The following EIF3F variants were observed in gnomAD, a reference collection of about 807,000 sequenced individuals.
EIF3F encodes the protein deubiquitinating enzyme eIF3f.
In EIF3F, 8 loss-of-function variants were observed where a neutral mutation model predicts 36.0. The observed-to-expected ratio is 0.22, with a 90% CI of 0.13 to 0.40. The LOEUF (loss-of-function observed/expected upper bound fraction) is 0.40. Ranked by LOEUF, EIF3F falls within the 10% of genes least tolerant of loss-of-function variation. The pLI is 1.00. For missense variants in EIF3F, 430 were observed against 467.6 expected, an observed-to-expected ratio of 0.92 and a Z score of 0.74; for synonymous variants, 184 against 188.5, an observed-to-expected ratio of 0.98 and a Z score of 0.19.
Position 7,987,568 on chromosome 11 carries a change from C to T in EIF3F, c.216C>T (p.Thr72=). The T allele has an allele frequency of 1.3e-6, 2 of 1,598,206 alleles. No homozygotes were observed. The highest frequency in any genetic ancestry group is 8.5e-7 in the Non-Finnish European group (1 of 1,173,748). The change falls in exon 1 of 8, where the codon ACC becomes ACT. Residue 72 remains threonine (T), a synonymous_variant. Transcript: ENST00000651655. ...CCTCAGCGCAAGCTCCAGCGCAGAC[C>T]CCAGCGCCCGCTCTGCCTGGTCCTG... is the stretch of plus-strand genomic sequence containing the variant. ...TPASAQAPAQ[T]PAPALPGPAL...
At chr11:7,992,603 C>T (rs541776798) in intron 3 of EIF3F, 5 of 483,470 alleles carry the variant, frequency 1.0e-5, no homozygotes, top group African/African-American at 7.9e-5. Context: ...AGTGTGTTAC[C>T]TGTAGGAACT....
In EIF3F at chr11:7,987,400, C is replaced by G; in HGVS notation, c.48C>G (p.Thr16=). Residue 16 remains threonine (T), a synonymous_variant, in exon 1 of 8, where the codon ACC becomes ACG. Transcript: ENST00000651655. The part of the protein sequence containing the change: ...VPVSAPPATP[T]PVPAAAPASV... ...TAAGTGCTCCTCCGGCCACGCCAAC[C>G]CCAGTCCCGGCGGCGGCCCCAGCCT... The G allele has an allele frequency of 2.5e-6, 4 of 1,600,628 alleles. No homozygotes were observed. The highest frequency in any genetic ancestry group is 3.4e-6 in the Non-Finnish European group (4 of 1,179,494).
At position 8,000,228 on chromosome 11, in the gene EIF3F, C is replaced by T. The variant is rs992275583; in HGVS notation, c.*4206C>T. Reference sequence around the variant, plus strand: ...CATCTCAAAAAAAAAAAAGGTACATCTACACAATGGAATATTATTAACCTT... The same window carrying T: ...CATCTCAAAAAAAAAAAAGGTACATTTACACAATGGAATATTATTAACCTT... On this transcript the variant is annotated 3_prime_UTR_variant, in exon 8 of 8. Coordinates refer to ENST00000651655, the MANE Select transcript of EIF3F (RefSeq NM_003754.3). The T allele has an allele frequency of 2.0e-5, 3 of 151,540 alleles. No individual in the cohort carries two copies. Among genetic ancestry groups the T allele is most frequent in the African/African-American group, 7.3e-5 (3 of 41,242 alleles). The allele number at this position is 151,540 out of a possible 1,614,324, so 9.4% of individuals were successfully genotyped here.
chr11:7,990,713 T>C (rs1211194820), intron 1 of EIF3F, among the ~76,000 whole-genome samples: 1 of 152,062 alleles, frequency 6.6e-6, no homozygotes, highest in Non-Finnish European at 1.5e-5. Flanking sequence ...CCATAGTGAG[T>C]TGGAATTAGA....
chr11:7,996,414 T>C lies in EIF3F; in HGVS notation c.*392T>C, dbSNP rs1262268790. The C allele has an allele frequency of 5.7e-6, 1 of 174,736 alleles. No individual in the cohort carries two copies. The highest frequency in any genetic ancestry group is 1.2e-5 in the Non-Finnish European group (1 of 81,854). 10.8% of individuals were successfully genotyped at this position (174,736 alleles called of 1,614,324 possible). Reference sequence around the variant, plus strand: ...TAAGAATCCATGGAGAAAAAATAGCTAAGAAAATTGGATGCTTAATCTGAA... The same window carrying C: ...TAAGAATCCATGGAGAAAAAATAGCCAAGAAAATTGGATGCTTAATCTGAA... On this transcript the variant is annotated 3_prime_UTR_variant, in exon 8 of 8. Coordinates refer to ENST00000651655, the MANE Select transcript of EIF3F (RefSeq NM_003754.3).
Position 7,998,068 on chromosome 11 carries a change from A to C in EIF3F, c.*2046A>C, listed in dbSNP as rs540927120. The C allele has an allele frequency of 6.6e-6, 1 of 151,714 alleles. No homozygotes were observed. The highest frequency in any genetic ancestry group is 1.5e-5 in the Non-Finnish European group (1 of 67,888). The allele number at this position is 151,714 out of a possible 1,614,324, so 9.4% of individuals were successfully genotyped here. A position where few individuals can be genotyped will look rare whatever the true frequency, so the allele number is the denominator to read the frequency against. The stretch of plus-strand genomic sequence containing the variant: ...AGGTTCTGGAACCAATCCTCCACGG[A>C]TACTAAACGGTGACTGTGTGTGTAT... On this transcript the variant is annotated 3_prime_UTR_variant, in exon 8 of 8. Transcript: ENST00000651655.
intron 5 of EIF3F, 50 bp downstream of exon 5, chr11:7,994,567 A>G: frequency 3.2e-6 from 5 of 1,552,392 alleles, no homozygotes; most frequent in Non-Finnish European, 4.4e-6. Flanking sequence ...ATTTTCAGGG[A>G]AGGGGGCTGC....
In EIF3F at chr11:8,000,596, C is replaced by T. The variant is rs1942210022; in HGVS notation, c.*4574C>T. 1 of 152,098 alleles carries T rather than the reference C, an allele frequency of 6.6e-6. No individual in the cohort carries two copies. Among genetic ancestry groups the T allele is most frequent in the African/African-American group, 2.4e-5 (1 of 41,406 alleles). The allele number at this position is 152,098 out of a possible 1,614,324, so 9.4% of individuals were successfully genotyped here. A position where few individuals can be genotyped will look rare whatever the true frequency, so the allele number is the denominator to read the frequency against. On this transcript the variant is annotated 3_prime_UTR_variant, in exon 8 of 8. Transcript: ENST00000651655. ...AGCTTGATTGTGGTAATCAATTTCG[C>T]AATGTGTACATATATCAAAACATCA...
intron 4 of EIF3F, 128 bp from the exon 5 acceptor site, chr11:7,994,298 A>G (rs1339063599): frequency 5.2e-6 from 4 of 769,306 alleles, no homozygotes; most frequent in African/African-American, 3.5e-5. Context: ...TCTGGGGTTC[A>G]TTTGGTCCCA....
chr11:8,001,721 T>G lies in EIF3F; in HGVS notation c.*5699T>G, dbSNP rs1942224490. The G allele has an allele frequency of 6.6e-6, 1 of 152,182 alleles. No homozygotes were observed. Among genetic ancestry groups the G allele is most frequent in the Non-Finnish European group, 1.5e-5 (1 of 68,034 alleles). The allele number at this position is 152,182 out of a possible 1,614,324, so 9.4% of individuals were successfully genotyped here. ...CAAGAAACTACTATCACTGATTGTC[T>G]TAAGGTACTAGATGGGGCACAGGAC... On this transcript the variant is annotated 3_prime_UTR_variant, in exon 8 of 8. Coordinates refer to ENST00000651655, the MANE Select transcript of EIF3F (RefSeq NM_003754.3).
In EIF3F at chr11:8,000,604, A is replaced by G. The variant is rs1942210116; in HGVS notation, c.*4582A>G. The G allele has an allele frequency of 6.6e-6, 1 of 152,222 alleles. No homozygotes were observed. The highest frequency in any genetic ancestry group is 6.5e-5 in the Admixed American group (1 of 15,282). The allele number at this position is 152,222 out of a possible 1,614,324, so 9.4% of individuals were successfully genotyped here. A position where few individuals can be genotyped will look rare whatever the true frequency, so the allele number is the denominator to read the frequency against. On this transcript the variant is annotated 3_prime_UTR_variant, in exon 8 of 8. Coordinates refer to ENST00000651655, the MANE Select transcript of EIF3F (RefSeq NM_003754.3). ...TGTGGTAATCAATTTCGCAATGTGT[A>G]CATATATCAAAACATCACATTGTAC...
At position 7,997,478 on chromosome 11, in the gene EIF3F, G is replaced by C. The variant is rs546644816; in HGVS notation, c.*1456G>C. 4.6e-5 allele frequency: 7 copies of C among 152,048 alleles called. No individual in the cohort carries two copies. The highest frequency in any genetic ancestry group is 1.7e-4 in the African/African-American group (7 of 41,404). The allele number at this position is 152,048 out of a possible 1,614,324, so 9.4% of individuals were successfully genotyped here. On this transcript the variant is annotated 3_prime_UTR_variant, in exon 8 of 8. Coordinates refer to ENST00000651655, the MANE Select transcript of EIF3F (RefSeq NM_003754.3). ...TTTGAGAAATAAGCATAGAAAAGGT[G>C]GATAAAACAAAAGATGGCAAAACAA...
chr11:7,996,296 C>G lies in EIF3F; in HGVS notation c.*274C>G, dbSNP rs1350419030. ...TGTGTTTGGCATGTTACTGTTTTAC[C>G]AAACTGTTCTTTTGGTTTTCAATAT... On this transcript the variant is annotated 3_prime_UTR_variant, in exon 8 of 8. Transcript: ENST00000651655. The G allele has an allele frequency of 3.3e-6, 1 of 300,392 alleles. No individual in the cohort carries two copies. The highest frequency in any genetic ancestry group is 6.2e-6 in the Non-Finnish European group (1 of 162,538). 18.6% of individuals were successfully genotyped at this position (300,392 alleles called of 1,614,324 possible).
chr11:7,987,340 C>G lies in EIF3F; in HGVS notation c.-13C>G, dbSNP rs201599300. Reference sequence around the variant, plus strand: ...CTGTCATTTCCGCTTCCGCCTCCTTCTTTCTCGACAAGATGGCCACACCGG... The same window carrying G: ...CTGTCATTTCCGCTTCCGCCTCCTTGTTTCTCGACAAGATGGCCACACCGG... On this transcript the variant is annotated 5_prime_UTR_variant, in exon 1 of 8. Transcript: ENST00000651655. The G allele has an allele frequency of 3.4e-5, 54 of 1,588,316 alleles. No individual in the cohort carries two copies. In the East Asian group the frequency reaches 4.0e-4, roughly 12 times the overall value.
At position 8,000,826 on chromosome 11, in the gene EIF3F, A is replaced by C. The variant is rs1942213351; in HGVS notation, c.*4804A>C. 1 of 152,176 alleles carries C rather than the reference A, an allele frequency of 6.6e-6. No homozygotes were observed. Among genetic ancestry groups the C allele is most frequent in the Non-Finnish European group, 1.5e-5 (1 of 68,034 alleles). The allele number at this position is 152,176 out of a possible 1,614,324, so 9.4% of individuals were successfully genotyped here. On this transcript the variant is annotated 3_prime_UTR_variant, in exon 8 of 8. Coordinates refer to ENST00000651655, the MANE Select transcript of EIF3F (RefSeq NM_003754.3). ...AAAACTTGTCTGAAAAAAAAACCAT[A>C]AATATGAGGGAAAAAACACAGCAAT...
At position 7,998,994 on chromosome 11, in the gene EIF3F, G is replaced by A. The variant is rs1374795857; in HGVS notation, c.*2972G>A. The A allele has an allele frequency of 6.6e-6, 1 of 152,214 alleles. No homozygotes were observed. The highest frequency in any genetic ancestry group is 2.4e-5 in the African/African-American group (1 of 41,456). The allele number at this position is 152,214 out of a possible 1,614,324, so 9.4% of individuals were successfully genotyped here. On this transcript the variant is annotated 3_prime_UTR_variant, in exon 8 of 8. Coordinates refer to ENST00000651655, the MANE Select transcript of EIF3F (RefSeq NM_003754.3). ...AAGATAAAGTGGAGCCAGGCACAGT[G>A]GCTCATGCCTGTAATCCCAGCACTT...
At chr11:7,989,810 T>G (rs1241954616) in intron 1 of EIF3F, among the ~76,000 whole-genome samples, 2 of 152,202 alleles carry the variant, frequency 1.3e-5, no homozygotes, top group Admixed American at 6.5e-5. Context: ...AAAAGCCTGG[T>G]AAATCCACTG....
rs1237493221 is a variant in EIF3F, at chr11:8,000,302, CACTATGCTAGTG to C, written c.*4282_*4293del. On this transcript the variant is annotated 3_prime_UTR_variant, in exon 8 of 8. Transcript: ENST00000651655. ...CAACAACATGGATGGACCTGGAGGA[CACTATGCTAGTG>C]AAATAAGCCATGATCTCACTTGGAT... is the stretch of plus-strand genomic sequence containing the variant. 6.6e-6 allele frequency: 1 copy of C among 151,870 alleles called. No individual in the cohort carries two copies. Among genetic ancestry groups the C allele is most frequent in the Non-Finnish European group, 1.5e-5 (1 of 67,994 alleles). 9.4% of individuals were successfully genotyped at this position (151,870 alleles called of 1,614,324 possible).
intron 3 of EIF3F, 111 bp downstream of exon 3, chr11:7,992,274 G>A: frequency 1.1e-6 from 1 of 944,600 alleles, no homozygotes; most frequent in Admixed American, 2.3e-5. Flanking sequence ...CAAGAGTATT[G>A]CAAGTGTATT....
Sources: gnomAD v4.1 joint callset for allele counts (sites outside exome capture counted in the v4.1 genomes callset) on GRCh38, gnomAD v4.1.1 for gene constraint, MANE v1.5 for transcripts, NCBI Gene and HGNC (gene_info 2026-07-23, HGNC 2026-07-21) for gene names.